Variants in RUNDC3B observed in about 807,000 individuals in gnomAD.
RUNDC3B encodes RUN domain containing 3B.
In RUNDC3B, 33 loss-of-function variants were observed where a neutral mutation model predicts 58.4. The ratio of observed to expected loss-of-function variants is 0.56; its 90% CI spans 0.43 to 0.75. The LOEUF is 0.75. RUNDC3B is among the 30% of genes least tolerant of loss of function. RUNDC3B has a pLI of 0.00. For synonymous variants in RUNDC3B, 193 were observed against 195.2 expected (o/e 0.99, Z 0.10); for missense variants, 501 against 535.7 (o/e 0.94, Z 0.64).
At chr7:87,650,221 C>T (rs896305794) in intron 1 of RUNDC3B, among the ~76,000 whole-genome samples, 1 of 152,086 alleles carries the variant, frequency 6.6e-6, no homozygotes, top group African/African-American at 2.4e-5. Flanking sequence ...TTAATGGGGA[C>T]AATTAGCTAT....
At chr7:87,736,855 CTATA>C (rs1554479935) in intron 4 of RUNDC3B, among the ~76,000 whole-genome samples, 999 of 36,190 alleles carry the variant, frequency 0.028, 29 homozygotes, top group South Asian at 0.049. Flanking sequence ...ATATATATAC[CTATA>C]TATATATATA....
intron 6 of RUNDC3B, 102 bp from the exon 7 acceptor site, chr7:87,770,479 A>G (rs1834217498): frequency 1.1e-6 from 1 of 874,194 alleles, no homozygotes; most frequent in South Asian, 1.6e-5. Context: ...TTTAGTACTA[A>G]ATATTTTCGA....
chr7:87,797,116 G>A (rs991738896), intron 8 of RUNDC3B, among the ~76,000 whole-genome samples: 11 of 152,168 alleles, frequency 7.2e-5, no homozygotes, highest in Non-Finnish European at 1.0e-4. Context: ...TAACGGAAAA[G>A]TTTGGGGACA....
chr7:87,823,507 G>C (rs1837614776), intron 10 of RUNDC3B, among the ~76,000 whole-genome samples: 1 of 150,558 alleles, frequency 6.6e-6, no homozygotes, highest in African/African-American at 2.4e-5. Flanking sequence ...TGAGATTTTG[G>C]TGCACCCATC....
At chr7:87,682,016 T>A (rs1826976937) in intron 2 of RUNDC3B, among the ~76,000 whole-genome samples, 1 of 152,236 alleles carries the variant, frequency 6.6e-6, no homozygotes, top group African/African-American at 2.4e-5. Context: ...TAAGTTCATT[T>A]AATATCTTAA....
intron 4 of RUNDC3B, among the ~76,000 whole-genome samples, chr7:87,735,551 A>T (rs1333830660): frequency 6.6e-6 from 1 of 152,206 alleles, no homozygotes; most frequent in East Asian, 1.9e-4. Context: ...TCTATCTTGG[A>T]CAAATTGCTT....
chr7:87,726,321 T>G (rs1164686833), intron 4 of RUNDC3B, among the ~76,000 whole-genome samples: 3 of 152,224 alleles, frequency 2.0e-5, no homozygotes, highest in Non-Finnish European at 4.4e-5. Flanking sequence ...GCTAGCCAGT[T>G]TTCCCAGCAC....
At chr7:87,805,468 G>A (rs10487002) in intron 8 of RUNDC3B, among the ~76,000 whole-genome samples, 4,534 of 152,262 alleles carry the variant, frequency 0.03, 63 homozygotes, top group Middle Eastern at 0.048. Context: ...TTTATCTCCT[G>A]TTTCAGAGGA....
rs545556708 is a variant in RUNDC3B, at chr7:87,720,362, C to T, written c.458+9707C>T. Among the ~76,000 whole-genome samples the T allele has an allele frequency of 2.8e-3, 426 of 152,064 alleles. 3 individuals carry two copies. Among genetic ancestry groups the T allele is most frequent in the African/African-American group, 9.6e-3 (397 of 41,492 alleles). On this transcript the variant is annotated intron_variant, in intron 4 of 10. Transcript: ENST00000394654. ...AGGCTGATGGAGGAGTTACAGCACT[C>T]TTTGGTGAGGATATGTGGAAAATGC...
chr7:87,745,167 C>G (rs1234647238), intron 6 of RUNDC3B, among the ~76,000 whole-genome samples: 1 of 152,086 alleles, frequency 6.6e-6, no homozygotes, highest in African/African-American at 2.4e-5. Flanking sequence ...GGTATGAAAC[C>G]CACTTGATCA....
chr7:87,807,282 TA>T, intron 8 of RUNDC3B, 90 bp from the exon 9 acceptor site: 1 of 1,228,684 alleles, frequency 8.1e-7, no homozygotes, highest in Non-Finnish European at 1.2e-6. Context: ...TTTTATAAGA[TA>T]AATTTTGGGG....
chr7:87,757,908 A>G (rs1191868588), intron 6 of RUNDC3B, among the ~76,000 whole-genome samples: 1 of 152,152 alleles, frequency 6.6e-6, no homozygotes. Context: ...TGGGGAAAGG[A>G]CACTCTCTTC....
intron 3 of RUNDC3B, among the ~76,000 whole-genome samples, chr7:87,703,914 G>GTTTTTTTTTT (rs35797972): frequency 3.7e-3 from 157 of 42,986 alleles, no homozygotes; most frequent in East Asian, 6.6e-3. Flanking sequence ...TTTTTTTTTG[G>GTTTTTTTTTT]TTTTTTTTTT....
chr7:87,709,970 G>T (rs1222493925), intron 3 of RUNDC3B, among the ~76,000 whole-genome samples: 2 of 152,038 alleles, frequency 1.3e-5, no homozygotes, highest in Admixed American at 6.6e-5. Flanking sequence ...TCTGTTTTTT[G>T]TTGTTGTTGT....
At chr7:87,654,129 A>G (rs1449809934) in intron 2 of RUNDC3B, among the ~76,000 whole-genome samples, 1 of 152,064 alleles carries the variant, frequency 6.6e-6, no homozygotes, top group Non-Finnish European at 1.5e-5. Context: ...AAAAATTAAT[A>G]TTGTTAAAAT....
Position 87,741,538 on chromosome 7 carries a change from T to C in RUNDC3B, c.588T>C (p.Pro196=). The C allele has an allele frequency of 1.3e-6, 2 of 1,589,846 alleles. No homozygotes were observed. Among genetic ancestry groups the C allele is most frequent in the South Asian group, 2.2e-5 (2 of 89,018 alleles). The change falls in exon 6 of 11, where the codon CCT becomes CCC. Residue 196 remains proline (P), a synonymous_variant. Transcript: ENST00000394654. ...GAGAGGGGCTGGATGGCAGTTTTCC[T>C]GCTGTAATAGACTATACACCATATT... The part of the protein sequence containing the change: ...LKGEGLDGSF[P]AVIDYTPYLK...
intron 2 of RUNDC3B, among the ~76,000 whole-genome samples, chr7:87,659,711 G>A (rs1031228540): frequency 1.3e-5 from 2 of 152,074 alleles, no homozygotes; most frequent in Non-Finnish European, 2.9e-5. Flanking sequence ...GAAACCCAGG[G>A]AACTTACTGC....
intron 8 of RUNDC3B, among the ~76,000 whole-genome samples, chr7:87,778,457 GGAATAA>G (rs1228724360): frequency 1.4e-5 from 2 of 147,272 alleles, no homozygotes; most frequent in East Asian, 4.0e-4. Context: ...AAAAAAAAAA[GGAATAA>G]GAATAAGAAA....
At chr7:87,660,115 G>A (rs753481872) in intron 2 of RUNDC3B, among the ~76,000 whole-genome samples, 1 of 152,042 alleles carries the variant, frequency 6.6e-6, no homozygotes, top group Non-Finnish European at 1.5e-5. Context: ...CCTCAAAAAT[G>A]CATTGCAGGT....
Sources: gnomAD v4.1 joint callset for allele counts (sites outside exome capture counted in the v4.1 genomes callset) on GRCh38, gnomAD v4.1.1 for gene constraint, MANE v1.5 for transcripts, NCBI Gene and HGNC (gene_info 2026-07-23, HGNC 2026-07-21) for gene names.